Variants in EYS observed in about 807,000 individuals in gnomAD.
The protein encoded by EYS is EGF-like photoreceptor maintenance factor, also known as protein eyes shut homolog.
Under a neutral mutation model 282.1 loss-of-function variants are expected in EYS, and 250 were observed. The ratio of observed to expected loss-of-function variants is 0.89; its 90% CI spans 0.80 to 0.98. EYS has a LOEUF of 0.98. EYS is among the 50% of genes least tolerant of loss of function. EYS has a pLI of 0.00. For missense variants in EYS, 4,016 were observed against 3,709.0 expected (o/e 1.08, Z -2.15); for synonymous variants, 1,355 against 1,282.9 (o/e 1.06, Z -1.20).
chr6:65,387,218 G>A (rs970142012), intron 7 of EYS, among the ~76,000 whole-genome samples: 1 of 151,812 alleles, frequency 6.6e-6, no homozygotes, highest in East Asian at 1.9e-4. Flanking sequence ...CCTATGGAAT[G>A]CACACTACTG....
chr6:64,704,789 C>T lies in EYS; in HGVS notation c.3444-78544G>A, dbSNP rs555913987. 3.9e-5 allele frequency among the ~76,000 whole-genome samples: 6 copies of T among 151,998 alleles called. No homozygotes were observed. In the South Asian group the frequency reaches 1.0e-3, roughly 26 times the overall value. On this transcript the variant is annotated intron_variant, in intron 22 of 42. Coordinates refer to ENST00000503581, the MANE Select transcript of EYS (RefSeq NM_001142800.2). Reference sequence around the variant, plus strand: ...GTTCCACAAACCTGGGCAGGTCTTACGACCATCAAATATTGAAAAGACAGA... The same window carrying T: ...GTTCCACAAACCTGGGCAGGTCTTATGACCATCAAATATTGAAAAGACAGA...
At chr6:65,687,868 C>T (rs574361562) in intron 1 of EYS, among the ~76,000 whole-genome samples, 10 of 152,240 alleles carry the variant, frequency 6.6e-5, no homozygotes, top group African/African-American at 2.2e-4. Flanking sequence ...AGGAATCCAA[C>T]TTACAAGGGA....
chr6:64,169,431 GTT>G (rs35657029), intron 31 of EYS, among the ~76,000 whole-genome samples: 3,310 of 140,774 alleles, frequency 0.024, 124 homozygotes, highest in African/African-American at 0.067. Flanking sequence ...TTGAGGAGGA[GTT>G]TTTTTTTTTT....
intron 11 of EYS, among the ~76,000 whole-genome samples, chr6:65,320,050 T>C (rs1769427628): frequency 6.6e-6 from 1 of 151,318 alleles, no homozygotes; most frequent in African/African-American, 2.4e-5. Flanking sequence ...TGATGCCTAA[T>C]AATAGAACAG....
intron 26 of EYS, among the ~76,000 whole-genome samples, chr6:64,576,260 G>A (rs1433079889): frequency 6.6e-6 from 1 of 152,046 alleles, no homozygotes; most frequent in Non-Finnish European, 1.5e-5. Context: ...TTGTGACTTG[G>A]CGATCAGTGC....
At chr6:65,028,272 A>C (rs1247533295) in intron 13 of EYS, among the ~76,000 whole-genome samples, 2 of 151,952 alleles carry the variant, frequency 1.3e-5, no homozygotes, top group Non-Finnish European at 2.9e-5. Flanking sequence ...TAATTGCCTT[A>C]ATATTTTATC....
At chr6:65,596,821 T>C (rs1765425237) in intron 2 of EYS, among the ~76,000 whole-genome samples, 1 of 152,086 alleles carries the variant, frequency 6.6e-6, no homozygotes, top group Admixed American at 6.6e-5. Flanking sequence ...AAAATTGATA[T>C]GGATGAAAAA....
intron 31 of EYS, among the ~76,000 whole-genome samples, chr6:64,145,610 A>G (rs1774488474): frequency 6.6e-6 from 1 of 152,202 alleles, no homozygotes; most frequent in African/African-American, 2.4e-5. Context: ...ACTCTCTAGA[A>G]TAAGTACATG....
chr6:65,337,226 A>G (rs1158873404), intron 10 of EYS, among the ~76,000 whole-genome samples: 1 of 151,534 alleles, frequency 6.6e-6, no homozygotes, highest in East Asian at 1.9e-4. Flanking sequence ...GAAGTAGAAT[A>G]GTTCTTTGAC....
intron 36 of EYS, among the ~76,000 whole-genome samples, chr6:63,813,875 A>C (rs1327164677): frequency 6.6e-6 from 1 of 152,204 alleles, no homozygotes; most frequent in Non-Finnish European, 1.5e-5. Flanking sequence ...CATGTTCAGC[A>C]GTGTAGCGTA....
intron 12 of EYS, among the ~76,000 whole-genome samples, chr6:65,259,592 A>AT (rs1767564131): frequency 6.6e-6 from 1 of 152,094 alleles, no homozygotes; most frequent in African/African-American, 2.4e-5. Context: ...CAGATGAAAA[A>AT]TTTATCTGTT....
intron 29 of EYS, among the ~76,000 whole-genome samples, chr6:64,386,631 T>G (rs1772920011): frequency 6.6e-6 from 1 of 152,110 alleles, no homozygotes; most frequent in Non-Finnish European, 1.5e-5. Context: ...AACCTGCCGT[T>G]TTCCCTATAA....
intron 26 of EYS, among the ~76,000 whole-genome samples, chr6:64,564,268 C>CTTTTTTTTTTT (rs4034161): frequency 8.4e-5 from 5 of 59,386 alleles, no homozygotes; most frequent in Admixed American, 3.4e-4. Context: ...ATCTTTTGTC[C>CTTTTTTTTTTT]TTTTTTTTTT....
chr6:63,902,252 CA>C (rs1313152211), intron 35 of EYS, among the ~76,000 whole-genome samples: 1 of 151,430 alleles, frequency 6.6e-6, no homozygotes, highest in African/African-American at 2.4e-5. Context: ...AAAACCAAAC[CA>C]AAAAAAATTC....
At chr6:65,202,323 G>A (rs1263635694) in intron 12 of EYS, among the ~76,000 whole-genome samples, 2 of 151,972 alleles carry the variant, frequency 1.3e-5, no homozygotes, top group African/African-American at 4.8e-5. Flanking sequence ...ATAATAGAAT[G>A]GGTACAAAAT....
At chr6:63,926,885 A>G (rs941175437) in intron 35 of EYS, among the ~76,000 whole-genome samples, 4 of 152,226 alleles carry the variant, frequency 2.6e-5, no homozygotes, top group African/African-American at 9.6e-5. Flanking sequence ...TTCAACTATT[A>G]TATTAATACT....
In EYS at chr6:64,140,008, AATAG is replaced by A. The variant is rs564521705; in HGVS notation, c.6425-58010_6425-58007del. On this transcript the variant is annotated intron_variant, in intron 31 of 42. Transcript: ENST00000503581. ...AAATAAATAAATAAATAAATAAATA[AATAG>A]GATAATGGACAAGTGCTTGGATAAA... Among the ~76,000 whole-genome samples the A allele has an allele frequency of 6.2e-3, 895 of 143,408 alleles. 6 individuals are homozygous for A. The highest frequency in any genetic ancestry group is 0.014 in the African/African-American group (548 of 38,426). The allele number at this position is 143,408 out of a possible 152,430, so 94.1% of individuals were successfully genotyped here.
intron 27 of EYS, 40 bp from the exon 28 acceptor site, chr6:64,436,305 G>A: frequency 9.2e-7 from 1 of 1,092,010 alleles, no homozygotes; most frequent in South Asian, 1.4e-5. Flanking sequence ...CAGTTTTTCA[G>A]CATGAAATTA....
intron 2 of EYS, among the ~76,000 whole-genome samples, chr6:65,602,039 G>A (rs957973031): frequency 6.6e-5 from 10 of 151,784 alleles, no homozygotes; most frequent in Non-Finnish European, 1.3e-4. Flanking sequence ...ATTTCTCATT[G>A]GTCTGGGTCT....
Sources: allele counts gnomAD v4.1 joint callset (sites outside exome capture counted in the v4.1 genomes callset), GRCh38; gene constraint gnomAD v4.1.1; transcripts MANE v1.5; gene names NCBI Gene and HGNC (gene_info 2026-07-23, HGNC 2026-07-21).